Variants in GCNT1 observed in about 807,000 individuals in gnomAD.
The protein encoded by GCNT1 is beta-1,3-galactosyl-O-glycosyl-glycoprotein beta-1,6-N-acetylglucosaminyltransferase.
A neutral mutation model predicts 26.2 loss-of-function variants in GCNT1; 16 were observed. The observed-to-expected ratio is 0.61, with a 90% CI of 0.41 to 0.93. The LOEUF is 0.93. GCNT1 is among the 40% of genes least tolerant of loss of function. The pLI, the probability that GCNT1 is intolerant of heterozygous loss-of-function variation, is 0.00. For synonymous variants in GCNT1, 183 were observed against 190.8 expected, an observed-to-expected ratio of 0.96 and a Z score of 0.34; for missense variants, 477 against 526.7, an observed-to-expected ratio of 0.91 and a Z score of 0.92.
chr9:76,441,468 GTTCCATAAGTAA>G (rs1175702880), upstream of GCNT1, among the ~76,000 whole-genome samples: 2 of 152,246 alleles, frequency 1.3e-5, no homozygotes, highest in Non-Finnish European at 2.9e-5. Flanking sequence ...ATTTGTTAAG[GTTCCATAAGTAA>G]TTCCAGTGGG....
At chr9:76,438,927 C>T (rs1033066103), upstream of GCNT1, among the ~76,000 whole-genome samples, 2 of 152,144 alleles carry the variant, frequency 1.3e-5, no homozygotes, top group East Asian at 1.9e-4. Flanking sequence ...GATAGTAAGC[C>T]GTGTATGTGT....
At chr9:76,448,248 T>C (rs573309525) in intron 1 of GCNT1, among the ~76,000 whole-genome samples, 39 of 152,290 alleles carry the variant, frequency 2.6e-4, no homozygotes, top group Non-Finnish European at 4.1e-4. Context: ...GCCCAGGAGT[T>C]TGAGACCAGC....
upstream of GCNT1, among the ~76,000 whole-genome samples, chr9:76,418,032 G>A (rs534643289): frequency 2.0e-5 from 3 of 152,294 alleles, no homozygotes; most frequent in South Asian, 2.1e-4. Context: ...CAAGGTGGTC[G>A]GGGTACAGCC....
chr9:76,394,075 C>A, the GCNT1 span: 1 of 1,584,270 alleles, frequency 6.3e-7, no homozygotes. Flanking sequence ...GGGACTCTGG[C>A]CGCCCTGCTC....
chr9:76,447,400 C>T (rs1317959846), intron 1 of GCNT1, among the ~76,000 whole-genome samples: 2 of 151,670 alleles, frequency 1.3e-5, no homozygotes, highest in African/African-American at 2.4e-5. Context: ...CCACCACGCC[C>T]CAGCTAATTT....
At chr9:76,401,658 T>C in the GCNT1 span, among the ~76,000 whole-genome samples, 4 of 152,340 alleles carry the variant, frequency 2.6e-5, no homozygotes, top group South Asian at 8.3e-4. Flanking sequence ...GTATATTTTA[T>C]ATGTATATGG....
the GCNT1 span, among the ~76,000 whole-genome samples, chr9:76,395,048 A>G: frequency 6.6e-6 from 1 of 152,156 alleles, no homozygotes. Context: ...GTGGAAGGTT[A>G]CCGACATGGG....
the GCNT1 span, chr9:76,399,280 G>T: frequency 2.9e-6 from 4 of 1,387,210 alleles, no homozygotes; most frequent in East Asian, 4.6e-5. Context: ...ATGACCACCC[G>T]TGGGAGGTCA....
the GCNT1 span, among the ~76,000 whole-genome samples, chr9:76,413,666 T>G: frequency 0.024 from 2,424 of 99,784 alleles, 53 homozygotes; most frequent in African/African-American, 0.082. Context: ...TTTTTTTTTT[T>G]TGTTTTTTTT....
intron 2 of GCNT1, among the ~76,000 whole-genome samples, chr9:76,468,473 G>A (rs1824057610): frequency 6.6e-6 from 1 of 152,194 alleles, no homozygotes; most frequent in South Asian, 2.1e-4. Flanking sequence ...CAAGAGAGCT[G>A]AAGCTGATGT....
chr9:76,456,026 A>C (rs1326250444), upstream of GCNT1, among the ~76,000 whole-genome samples: 1 of 152,194 alleles, frequency 6.6e-6, no homozygotes, highest in Admixed American at 6.5e-5. Context: ...CACATCTATA[A>C]TATTAGGAGA....
chr9:76,502,778 A>G lies in GCNT1; in HGVS notation c.397A>G (p.Ile133Val), dbSNP rs1259767179. ...ATATTCTATAGTGGTTCATCACAAGATTGAAATGCTTGACAGGCTGCTGAG... is the reference window on the plus strand; with the variant it reads ...ATATTCTATAGTGGTTCATCACAAGGTTGAAATGCTTGACAGGCTGCTGAG... ...IAYSIVVHHK[I>V]EMLDRLLRAI... is the part of the protein sequence containing the mutation. Residue 133 changes from isoleucine to valine, a missense_variant, in exon 4 of 4, where the codon ATT (isoleucine) becomes GTT (valine). Transcript: ENST00000376730. The G allele has an allele frequency of 1.2e-5, 19 of 1,614,094 alleles. No individual in the cohort carries two copies. Among genetic ancestry groups the G allele is most frequent in the African/African-American group, 2.7e-5 (2 of 74,940 alleles).
upstream of GCNT1, among the ~76,000 whole-genome samples, chr9:76,418,912 C>A (rs770219210): frequency 3.9e-5 from 6 of 152,090 alleles, no homozygotes; most frequent in Non-Finnish European, 8.8e-5. Flanking sequence ...GGATGGAAGG[C>A]AATTGTGTTT....
chr9:76,427,490 T>G (rs904014554), intron 1 of GCNT1, among the ~76,000 whole-genome samples: 1 of 152,112 alleles, frequency 6.6e-6, no homozygotes, highest in Non-Finnish European at 1.5e-5. Flanking sequence ...AGGGGTAATA[T>G]ACTTCTGACA....
chr9:76,431,190 A>G (rs139678033), intron 1 of GCNT1, among the ~76,000 whole-genome samples: 136 of 152,294 alleles, frequency 8.9e-4, no homozygotes, highest in African/African-American at 3.0e-3. Context: ...TGGGCTAACA[A>G]TAACTAGGTG....
chr9:76,503,472 C>T lies in GCNT1; in HGVS notation c.1091C>T (p.Ser364Phe). ...TGGCAGTACTTTGAGGGTGATGTTT[C>T]CAAGGGTGCTCCCTACCCGCCCTGC... ...VKWQYFEGDV[S>F]KGAPYPPCDG... Residue 364 changes from serine (S) to phenylalanine (F), a missense_variant, in exon 4 of 4, where the codon TCC (serine) becomes TTC (phenylalanine). Ser to Phe is a radical substitution (Grantham distance 155, BLOSUM62 -2). Coordinates refer to ENST00000376730, the MANE Select transcript of GCNT1 (RefSeq NM_001490.5). 6.2e-7 allele frequency: 1 copy of T among 1,614,104 alleles called. No individual in the cohort carries two copies. Among genetic ancestry groups the T allele is most frequent in the Non-Finnish European group, 8.5e-7 (1 of 1,180,016 alleles).
intron 1 of GCNT1, among the ~76,000 whole-genome samples, chr9:76,422,814 G>A (rs1363442999): frequency 6.6e-6 from 1 of 152,146 alleles, no homozygotes; most frequent in Non-Finnish European, 1.5e-5. Flanking sequence ...CAGCCTCCCA[G>A]ATTGCTGGGA....
chr9:76,452,794 G>A (rs973116589), intron 1 of GCNT1, among the ~76,000 whole-genome samples: 1 of 152,038 alleles, frequency 6.6e-6, no homozygotes, highest in African/African-American at 2.4e-5. Flanking sequence ...GACACTGATC[G>A]AAACCATATC....
chr9:76,435,229 C>T lies in GCNT1; in HGVS notation n.38+15342C>T, dbSNP rs1051395391. Among the ~76,000 whole-genome samples, 7 of 152,226 alleles carry T rather than the reference C, an allele frequency of 4.6e-5. No homozygotes were observed. In the East Asian group the frequency reaches 5.8e-4, roughly 13 times the overall value. ...CCCTAATGAAAATTTGCTGGTTTTG[C>T]GGCTCGGGTGGGCATCATGGACCTA... On this transcript the variant is annotated intron_variant and non_coding_transcript_variant, in intron 1 of 3. Transcript: ENST00000488136.
Sources: allele counts gnomAD v4.1 joint callset (sites outside exome capture counted in the v4.1 genomes callset), GRCh38; gene constraint gnomAD v4.1.1; transcripts MANE v1.5; gene names NCBI Gene and HGNC (gene_info 2026-07-23, HGNC 2026-07-21).